The following DCTD variants were observed in gnomAD, a reference collection of about 807,000 sequenced individuals.
DCTD encodes dCMP deaminase.
DCTD carries 23 observed loss-of-function variants against 21.0 expected under a neutral mutation model. The ratio of observed to expected loss-of-function variants is 1.09; its 90% CI spans 0.79 to 1.55. The LOEUF is 1.55. Among genes scored for constraint, DCTD ranks in the 40% most tolerant of loss-of-function variants. The pLI, the probability that DCTD is intolerant of heterozygous loss-of-function variation, is 0.00. For synonymous variants in DCTD, 71 were observed against 81.1 expected, an observed-to-expected ratio of 0.88 and a Z score of 0.67; for missense variants, 224 against 230.0, an observed-to-expected ratio of 0.97 and a Z score of 0.17.
chr4:182,917,379 CGGG>C lies in DCTD; in HGVS notation c.-79_-77del. ...CGCCGCCGTGCTCAGGGAAGGAAGTCGGGGGAGGAGGCGGGGCCGCCGCGGGGC... is the reference window on the plus strand; with the variant it reads ...CGCCGCCGTGCTCAGGGAAGGAAGTCGGAGGAGGCGGGGCCGCCGCGGGGC... On this transcript the variant is annotated 5_prime_UTR_variant, in exon 1 of 6. Coordinates refer to ENST00000438320, the MANE Select transcript of DCTD (RefSeq NM_001921.3). The surrounding 1 kb of genome is among the most constrained non-coding windows in gnomAD (Gnocchi z 4.9). 1 of 1,059,518 alleles carries C rather than the reference CGGG, an allele frequency of 9.4e-7. No individual in the cohort carries two copies. The highest frequency in any genetic ancestry group is 1.1e-6 in the Non-Finnish European group (1 of 879,134). 65.6% of individuals were successfully genotyped at this position (1,059,518 alleles called of 1,614,324 possible).
intron 3 of DCTD, among the ~76,000 whole-genome samples, chr4:182,895,591 G>A (rs1734596214): frequency 6.6e-6 from 1 of 152,144 alleles, no homozygotes; most frequent in African/African-American, 2.4e-5. Flanking sequence ...CTAATCCACA[G>A]GCGACATCCT....
chr4:182,900,112 C>T (rs1351771503), intron 3 of DCTD, among the ~76,000 whole-genome samples: 1 of 152,064 alleles, frequency 6.6e-6, no homozygotes, highest in African/African-American at 2.4e-5. Context: ...CTCAAGAGTT[C>T]AAGAACAGCT....
At chr4:182,916,802 G>T in intron 1 of DCTD, 1 of 1,115,166 alleles carries the variant, frequency 9.0e-7, no homozygotes, top group Non-Finnish European at 1.1e-6. Context: ...TCCCCTGGGC[G>T]CCTTCTCCTG....
At chr4:182,896,301 C>A (rs887776434) in intron 3 of DCTD, among the ~76,000 whole-genome samples, 3 of 152,206 alleles carry the variant, frequency 2.0e-5, no homozygotes, top group African/African-American at 7.2e-5. Context: ...GTGCCTGGGT[C>A]CCCCAGCAGC....
chr4:182,905,194 C>A (rs896277431), intron 3 of DCTD, among the ~76,000 whole-genome samples: 9 of 152,274 alleles, frequency 5.9e-5, no homozygotes, highest in Admixed American at 5.9e-4. Context: ...AACCCTATTG[C>A]TCCGCTGAAA....
rs575309733 is a variant in DCTD, at chr4:182,897,335, A to C, written c.245-2730T>G. On this transcript the variant is annotated intron_variant, in intron 3 of 5. Coordinates refer to ENST00000438320, the MANE Select transcript of DCTD (RefSeq NM_001921.3). ...ATATTAATATTAAAAATAAATATTA[A>C]ATATATATCATATCTGAATATTAAT... Among the ~76,000 whole-genome samples the C allele has an allele frequency of 6.7e-5, 10 of 149,962 alleles. No individual in the cohort carries two copies. The South Asian group carries it at 2.1e-3, about 31-fold the overall frequency.
chr4:182,908,951 G>T (rs1398415243), intron 3 of DCTD, among the ~76,000 whole-genome samples: 1 of 152,062 alleles, frequency 6.6e-6, no homozygotes, highest in Non-Finnish European at 1.5e-5. Flanking sequence ...AAACTTCTAC[G>T]AGGTGAACTG....
upstream of DCTD, chr4:182,917,477 TGAGGGGAGGGAGG>T: frequency 7.1e-6 from 1 of 140,250 alleles, no homozygotes; most frequent in Non-Finnish European, 1.2e-5. This position sits in a 1 kb window ranked among gnomAD's most constrained non-coding sequence, Gnocchi z 4.9. Context: ...CCCGAAGCCC[TGAGGGGAGGGAGG>T]GAGGGACGGC....
chr4:182,898,772 A>G (rs997192107), intron 3 of DCTD, among the ~76,000 whole-genome samples: 1 of 152,104 alleles, frequency 6.6e-6, no homozygotes, highest in African/African-American at 2.4e-5. Context: ...TCCTATCTAC[A>G]ATTGTTACTA....
chr4:182,909,525 A>C (rs1257680991), intron 3 of DCTD, among the ~76,000 whole-genome samples: 2 of 152,230 alleles, frequency 1.3e-5, no homozygotes, highest in Non-Finnish European at 2.9e-5. Context: ...AGGAAGCTTT[A>C]AGTGAAATTA....
At chr4:182,910,536 C>T (rs1302558342) in intron 3 of DCTD, among the ~76,000 whole-genome samples, 1 of 152,158 alleles carries the variant, frequency 6.6e-6, no homozygotes, top group Non-Finnish European at 1.5e-5. Flanking sequence ...CCCACCCCCT[C>T]ATGAAAATAA....
intron 3 of DCTD, among the ~76,000 whole-genome samples, chr4:182,904,480 A>AG (rs1736310174): frequency 6.6e-6 from 1 of 152,174 alleles, no homozygotes. Flanking sequence ...TAGCGTTTAG[A>AG]GGGGAACCGG....
At chr4:182,904,691 C>T (rs1253118302) in intron 3 of DCTD, among the ~76,000 whole-genome samples, 1 of 152,160 alleles carries the variant, frequency 6.6e-6, no homozygotes, top group Admixed American at 6.5e-5. Flanking sequence ...TCCCACCCCA[C>T]ACAATCAGCT....
chr4:182,891,253 G>A lies in DCTD; in HGVS notation c.*146C>T. The A allele has an allele frequency of 1.5e-6, 1 of 663,874 alleles. No individual in the cohort carries two copies. Among genetic ancestry groups the A allele is most frequent in the Non-Finnish European group, 2.7e-6 (1 of 369,758 alleles). 41.1% of individuals were successfully genotyped at this position (663,874 alleles called of 1,614,324 possible). A position where few individuals can be genotyped will look rare whatever the true frequency, so the allele number is the denominator to read the frequency against. ...TTCCATGTGACAAGAGAGACAGTAA[G>A]GAAGATTTGAGGCTTTATATTCTTT... On this transcript the variant is annotated 3_prime_UTR_variant, in exon 6 of 6. Coordinates refer to ENST00000438320, the MANE Select transcript of DCTD (RefSeq NM_001921.3).
At position 182,891,435 on chromosome 4, in the gene DCTD, A is replaced by G; in HGVS notation, c.501T>C (p.Asp167=). The change falls in exon 6 of 6, where the codon GAT becomes GAC. Residue 167 remains aspartate, a synonymous_variant. Transcript: ENST00000438320. ...TTTGACTCGGTCTGCTGTTAATTGA[A>G]TCAAAGTCAATGACAATCTTGCTGC... ...PKCSKIVIDF[D]SINSRPSQKL... 1.9e-6 allele frequency: 3 copies of G among 1,612,728 alleles called. No individual in the cohort carries two copies. Among genetic ancestry groups the G allele is most frequent in the Non-Finnish European group, 2.5e-6 (3 of 1,178,802 alleles).
intron 3 of DCTD, among the ~76,000 whole-genome samples, chr4:182,912,808 G>C (rs533090983): frequency 1.3e-5 from 2 of 152,264 alleles, no homozygotes; most frequent in East Asian, 3.9e-4. Flanking sequence ...TGGGGGCTCT[G>C]GGTGACTGAA....
chr4:182,903,557 G>A (rs2152859266), intron 3 of DCTD, among the ~76,000 whole-genome samples: 1 of 152,292 alleles, frequency 6.6e-6, no homozygotes, highest in African/African-American at 2.4e-5. Flanking sequence ...AGAGAGGAGG[G>A]CTCTGCTAGA....
intron 5 of DCTD, among the ~76,000 whole-genome samples, chr4:182,892,414 TC>T (rs1278779879): frequency 4.6e-5 from 7 of 152,140 alleles, no homozygotes; most frequent in Non-Finnish European, 8.8e-5. Context: ...ACACCTGTAA[TC>T]CCAGCACTTT....
chr4:182,892,644 A>G (rs1037970613), intron 5 of DCTD, among the ~76,000 whole-genome samples: 3 of 152,090 alleles, frequency 2.0e-5, no homozygotes, highest in Non-Finnish European at 4.4e-5. Context: ...AAAAGAGAGA[A>G]TCCCCAATGT....
Sources: allele counts gnomAD v4.1 joint callset (sites outside exome capture counted in the v4.1 genomes callset), GRCh38; gene constraint gnomAD v4.1.1; non-coding constraint Gnocchi (gnomAD v3.1); transcripts MANE v1.5; gene names NCBI Gene and HGNC (gene_info 2026-07-23, HGNC 2026-07-21).